The following TTC7B variants were observed in gnomAD, a reference collection of about 807,000 sequenced individuals.
TTC7B encodes tetratricopeptide repeat domain 7B.
TTC7B carries 28 observed loss-of-function variants against 106.8 expected under a neutral mutation model. The ratio of observed to expected loss-of-function variants is 0.26; its 90% CI spans 0.19 to 0.36. TTC7B has a LOEUF of 0.36. TTC7B is among the 10% of genes least tolerant of loss of function. TTC7B has a pLI of 1.00. For missense variants in TTC7B, 862 were observed against 1,076.4 expected (o/e 0.80, Z 2.79); for synonymous variants, 405 against 430.6 (o/e 0.94, Z 0.74).
At chr14:90,780,108 G>A (rs775210397) in intron 3 of TTC7B, among the ~76,000 whole-genome samples, 9 of 152,184 alleles carry the variant, frequency 5.9e-5, no homozygotes, top group Non-Finnish European at 7.3e-5. Context: ...GAAGCTGGGC[G>A]CGGTGGCTCA....
chr14:90,736,238 G>C (rs1889519792), intron 4 of TTC7B, among the ~76,000 whole-genome samples: 2 of 151,702 alleles, frequency 1.3e-5, no homozygotes, highest in Admixed American at 6.6e-5. Flanking sequence ...TGTTTTTAAA[G>C]GTTTCTCTGT....
rs895354513 is a variant in TTC7B, at chr14:90,529,938, G to A, written c.*11430C>T. 3 of 151,866 alleles carry A rather than the reference G, an allele frequency of 2.0e-5. No individual in the cohort carries two copies. Among genetic ancestry groups the A allele is most frequent in the Admixed American group, 6.6e-5 (1 of 15,264 alleles). 9.4% of individuals were successfully genotyped at this position (151,866 alleles called of 1,614,324 possible). The stretch of plus-strand genomic sequence containing the variant: ...GAATATTAAGTGAAAAGATCCATAC[G>A]GTGTTATAGATAGTATGATTTCACT... On this transcript the variant is annotated 3_prime_UTR_variant, in exon 20 of 20. Transcript: ENST00000328459.
At chr14:90,735,868 AATT>A (rs1271342375) in intron 4 of TTC7B, among the ~76,000 whole-genome samples, 1 of 152,148 alleles carries the variant, frequency 6.6e-6, no homozygotes, top group Non-Finnish European at 1.5e-5. Flanking sequence ...AACTCAACAA[AATT>A]ATTCTAAAAT....
chr14:90,632,324 T>A (rs983431704), intron 15 of TTC7B, among the ~76,000 whole-genome samples: 1 of 152,250 alleles, frequency 6.6e-6, no homozygotes, highest in African/African-American at 2.4e-5. Flanking sequence ...TCACCAAAAT[T>A]GTTTTAATCA....
chr14:90,545,450 A>G (rs914295019), intron 19 of TTC7B, among the ~76,000 whole-genome samples: 8 of 152,340 alleles, frequency 5.3e-5, no homozygotes, highest in Non-Finnish European at 1.2e-4. Context: ...TCTGTGTCTT[A>G]GAGGCATCCT....
chr14:90,706,694 T>C (rs13379124), intron 5 of TTC7B, among the ~76,000 whole-genome samples: 20,987 of 152,240 alleles, frequency 0.14, 1,654 homozygotes, highest in African/African-American at 0.2. Context: ...GAATCTTTGA[T>C]AGCTTCTTCG....
intron 5 of TTC7B, chr14:90,699,052 C>T (rs1887878684): frequency 1.0e-5 from 4 of 394,890 alleles, no homozygotes; most frequent in South Asian, 1.9e-5. Context: ...TCAACCCTCC[C>T]TCTCGACCCT....
intron 2 of TTC7B, among the ~76,000 whole-genome samples, chr14:90,784,710 G>A (rs543442994): frequency 3.3e-5 from 5 of 152,256 alleles, no homozygotes; most frequent in African/African-American, 1.2e-4. Context: ...GAGAAGACCT[G>A]GTTTTTGAAG....
chr14:90,694,714 T>C (rs1266783554), intron 6 of TTC7B, among the ~76,000 whole-genome samples: 1 of 141,526 alleles, frequency 7.1e-6, no homozygotes, highest in Non-Finnish European at 1.5e-5. Flanking sequence ...TATTTTATTA[T>C]AAAATAGGTA....
At chr14:90,803,142 CA>C (rs113209854) in intron 1 of TTC7B, among the ~76,000 whole-genome samples, 254 of 139,108 alleles carry the variant, frequency 1.8e-3, no homozygotes, top group Middle Eastern at 3.7e-3. Context: ...GACTCCGATG[CA>C]AAAAAAAAAA....
At chr14:90,625,310 A>G (rs1338891156) in intron 15 of TTC7B, among the ~76,000 whole-genome samples, 1 of 152,220 alleles carries the variant, frequency 6.6e-6, no homozygotes, top group Non-Finnish European at 1.5e-5. Flanking sequence ...GTGCTGCCCA[A>G]GGAGAGGGAT....
At position 90,531,809 on chromosome 14, in the gene TTC7B, A is replaced by G. The variant is rs1889296911; in HGVS notation, c.*9559T>C. ...GTGAAATTGTAAAGTTGAAAGCCAG[A>G]GAATCTGAAAACACTGGACTGAAAA... On this transcript the variant is annotated 3_prime_UTR_variant, in exon 20 of 20. Transcript: ENST00000328459. 6.6e-6 allele frequency: 1 copy of G among 152,252 alleles called. No individual in the cohort carries two copies. Among genetic ancestry groups the G allele is most frequent in the Non-Finnish European group, 1.5e-5 (1 of 68,048 alleles). 9.4% of individuals were successfully genotyped at this position (152,252 alleles called of 1,614,324 possible). A position where few individuals can be genotyped will look rare whatever the true frequency, so the allele number is the denominator to read the frequency against.
intron 9 of TTC7B, among the ~76,000 whole-genome samples, chr14:90,664,720 A>G (rs1886343863): frequency 6.6e-6 from 1 of 152,240 alleles, no homozygotes; most frequent in African/African-American, 2.4e-5. Context: ...GGACAAAAAG[A>G]GCAGTCACAT....
intron 3 of TTC7B, among the ~76,000 whole-genome samples, chr14:90,748,344 T>C (rs1890032018): frequency 1.3e-5 from 2 of 152,204 alleles, no homozygotes; most frequent in South Asian, 4.1e-4. Flanking sequence ...GTTTTGTTTG[T>C]TTGGGACAGA....
rs1259136720 is a variant in TTC7B, at chr14:90,608,581, G to A, written c.1966+2161C>T. ...TGGTGGCCCACCCGAGAGACTGGCTGCATCAGTACCACTAAGCAGAGGGGG... is the reference window on the plus strand; with the variant it reads ...TGGTGGCCCACCCGAGAGACTGGCTACATCAGTACCACTAAGCAGAGGGGG... On this transcript the variant is annotated intron_variant, in intron 17 of 19. Coordinates refer to ENST00000328459, the MANE Select transcript of TTC7B (RefSeq NM_001010854.2). The surrounding 1 kb of genome is among the most constrained non-coding windows in gnomAD (Gnocchi z 5.1). Among the ~76,000 whole-genome samples the A allele has an allele frequency of 1.3e-5, 2 of 152,162 alleles. No individual in the cohort carries two copies. The highest frequency in any genetic ancestry group is 2.4e-5 in the African/African-American group (1 of 41,426).
intron 1 of TTC7B, among the ~76,000 whole-genome samples, chr14:90,790,852 G>T (rs1262467193): frequency 6.6e-6 from 1 of 152,130 alleles, no homozygotes; most frequent in African/African-American, 2.4e-5. Flanking sequence ...CAGAGGATGA[G>T]TAGGACCTGG....
chr14:90,657,080 C>A lies in TTC7B; in HGVS notation c.1341+94G>T, dbSNP rs1314185337. ...TTGTCTTTGTACAGCTGATGAATCACCCTCGCTTTCTCTCTGTGCCTCGAC... is the reference window on the plus strand; with the variant it reads ...TTGTCTTTGTACAGCTGATGAATCAACCTCGCTTTCTCTCTGTGCCTCGAC... On this transcript the variant is annotated intron_variant, in intron 11 of 19. Coordinates refer to ENST00000328459, the MANE Select transcript of TTC7B (RefSeq NM_001010854.2). The surrounding 1 kb of genome is among the most constrained non-coding windows in gnomAD (Gnocchi z 4.2). 9 of 1,080,500 alleles carry A rather than the reference C, an allele frequency of 8.3e-6. No homozygotes were observed. The Admixed American group carries it at 1.8e-4, about 21-fold the overall frequency. 66.9% of individuals were successfully genotyped at this position (1,080,500 alleles called of 1,614,324 possible). A position where few individuals can be genotyped will look rare whatever the true frequency, so the allele number is the denominator to read the frequency against.
chr14:90,647,674 G>A (rs1315784785), intron 13 of TTC7B, among the ~76,000 whole-genome samples: 1 of 152,182 alleles, frequency 6.6e-6, no homozygotes, highest in East Asian at 1.9e-4. Context: ...TTTGACGTCA[G>A]ACAGGAAGGG....
At chr14:90,778,174 C>T (rs1036375993) in intron 3 of TTC7B, among the ~76,000 whole-genome samples, 1 of 152,186 alleles carries the variant, frequency 6.6e-6, no homozygotes, top group Non-Finnish European at 1.5e-5. Flanking sequence ...GTGACCCTTC[C>T]CTCTCCCAGT....
Sources: allele counts gnomAD v4.1 joint callset (sites outside exome capture counted in the v4.1 genomes callset), GRCh38; gene constraint gnomAD v4.1.1; non-coding constraint Gnocchi (gnomAD v3.1); transcripts MANE v1.5; gene names NCBI Gene and HGNC (gene_info 2026-07-23, HGNC 2026-07-21).